Variants in VPS41 observed in about 807,000 individuals in gnomAD.
VPS41 encodes VPS41 subunit of HOPS complex.
A neutral mutation model predicts 130.9 loss-of-function variants in VPS41; 85 were observed. The observed-to-expected ratio is 0.65, with a 90% CI of 0.55 to 0.78. The LOEUF (loss-of-function observed/expected upper bound fraction) is 0.78, where lower values mean the gene tolerates loss of function less well. VPS41 is among the 30% of genes least tolerant of loss of function. The probability of loss-of-function intolerance (pLI) is 0.00; values close to 1 mark genes in which losing one functional copy is unlikely to be tolerated. For synonymous variants in VPS41, 335 were observed against 332.9 expected (o/e 1.01, Z -0.07); for missense variants, 874 against 1,018.7 (o/e 0.86, Z 1.93).
intron 4 of VPS41, among the ~76,000 whole-genome samples, chr7:38,843,796 T>A (rs1785665354): frequency 6.6e-6 from 1 of 152,136 alleles, no homozygotes. Flanking sequence ...AACTGCCTTA[T>A]CAGTAACAAT....
At chr7:38,844,216 C>A (rs556476710) in intron 4 of VPS41, among the ~76,000 whole-genome samples, 2 of 152,320 alleles carry the variant, frequency 1.3e-5, no homozygotes, top group South Asian at 2.1e-4. Context: ...CGATTCCTTC[C>A]CAGTGATTTC....
At chr7:38,786,031 T>C (rs945057157) in intron 10 of VPS41, among the ~76,000 whole-genome samples, 1 of 152,220 alleles carries the variant, frequency 6.6e-6, no homozygotes. Context: ...CTATCATCAC[T>C]GATATAGAAA....
intron 1 of VPS41, among the ~76,000 whole-genome samples, chr7:38,908,779 T>C (rs756665322): frequency 7.9e-5 from 12 of 152,234 alleles, no homozygotes; most frequent in Non-Finnish European, 1.8e-4. Flanking sequence ...CTTATTGTCC[T>C]ACTTCAAGTG....
intron 12 of VPS41, 59 bp from the exon 13 acceptor site, chr7:38,772,696 G>T (rs1383877233): frequency 4.2e-6 from 5 of 1,197,130 alleles, no homozygotes; most frequent in Non-Finnish European, 6.1e-6. Flanking sequence ...ACTTGGCAAT[G>T]GTTTCAGAGG....
intron 7 of VPS41, among the ~76,000 whole-genome samples, chr7:38,798,275 G>A (rs996009766): frequency 1.3e-5 from 2 of 152,046 alleles, no homozygotes; most frequent in East Asian, 1.9e-4. Context: ...CTAAAGACAG[G>A]CAGCTAAAAA....
At chr7:38,848,958 AT>A (rs1785788151) in intron 4 of VPS41, among the ~76,000 whole-genome samples, 1 of 152,084 alleles carries the variant, frequency 6.6e-6, no homozygotes, top group Non-Finnish European at 1.5e-5. Context: ...CAAGGGACTC[AT>A]TTTCGTGTAA....
At chr7:38,865,362 G>T (rs1046497050) in intron 3 of VPS41, among the ~76,000 whole-genome samples, 5 of 152,144 alleles carry the variant, frequency 3.3e-5, no homozygotes, top group Admixed American at 2.6e-4. Context: ...CAATGTTAAT[G>T]AAGTTTGACC....
rs1375381160 is a variant in VPS41 at position 38,772,533 on chromosome 7, T to C, written c.1117A>G (p.Lys373Glu). The stretch of plus-strand genomic sequence containing the variant: ...AAAATCAAGGGTACTTCATATTTCT[T>C]CTTTTCAAGGAGCCAGTCAATGTGA... ...DDHIDWLLEK[K>E]KYEEALMAAE... The change falls in exon 13 of 29, where the codon AAG (lysine) becomes GAG (glutamate). Residue 373 changes from lysine to glutamate, a missense_variant. Lys to Glu is a moderately conservative substitution (Grantham distance 56). Transcript: ENST00000310301. 3 of 1,610,710 alleles carry C rather than the reference T, an allele frequency of 1.9e-6. No homozygotes were observed. The South Asian group carries it at 3.3e-5, about 18-fold the overall frequency.
chr7:38,809,195 T>C (rs1401712844), intron 7 of VPS41, among the ~76,000 whole-genome samples: 5 of 151,758 alleles, frequency 3.3e-5, no homozygotes, highest in African/African-American at 9.7e-5. Context: ...CTTAAATATG[T>C]ATAATTTGGC....
In VPS41 at chr7:38,754,693, C is replaced by A. The variant is rs770966817; in HGVS notation, c.1788+9G>T. The A allele has an allele frequency of 6.2e-7, 1 of 1,612,538 alleles. No homozygotes were observed. The stretch of plus-strand genomic sequence containing the variant: ...CAAAAGGGCAAAAGGAGGAGACTGC[C>A]ATGCTCACCACATGCTGTAGCTCTG... On this transcript the variant is annotated intron_variant, in intron 21 of 28. Transcript: ENST00000310301.
rs1229238815 is a variant in VPS41 at position 38,909,146 on chromosome 7, C to G, written c.21+8G>C. On this transcript the variant is annotated splice_region_variant and intron_variant, in intron 1 of 28. Coordinates refer to ENST00000310301, the MANE Select transcript of VPS41 (RefSeq NM_014396.4). ...CCTGTGCCCTCAACTACCACCTGCACCCTTTACCTGCTCCTCTGCTTCCGC... is the reference window on the plus strand; with the variant it reads ...CCTGTGCCCTCAACTACCACCTGCAGCCTTTACCTGCTCCTCTGCTTCCGC... The G allele has an allele frequency of 3.1e-6, 5 of 1,614,192 alleles. No individual in the cohort carries two copies. Among genetic ancestry groups the G allele is most frequent in the Non-Finnish European group, 3.4e-6 (4 of 1,180,022 alleles).
intron 10 of VPS41, among the ~76,000 whole-genome samples, chr7:38,788,884 T>C (rs1784486034): frequency 6.6e-6 from 1 of 152,260 alleles, no homozygotes; most frequent in African/African-American, 2.4e-5. Context: ...GGGTAATGTA[T>C]GTCTTTCTAT....
chr7:38,900,355 T>C (rs1584454245), intron 1 of VPS41, among the ~76,000 whole-genome samples: 1 of 152,112 alleles, frequency 6.6e-6, no homozygotes, highest in South Asian at 2.1e-4. Context: ...AGCTAAATAA[T>C]GTGTACACGT....
chr7:38,835,719 T>C (rs1785476986), intron 4 of VPS41, among the ~76,000 whole-genome samples: 1 of 151,914 alleles, frequency 6.6e-6, no homozygotes, highest in African/African-American at 2.4e-5. Flanking sequence ...TTTACTGTTT[T>C]CTCTTTCATC....
At chr7:38,881,187 T>C (rs1786596534) in intron 2 of VPS41, among the ~76,000 whole-genome samples, 1 of 152,216 alleles carries the variant, frequency 6.6e-6, no homozygotes, top group Admixed American at 6.5e-5. Context: ...GTGTCAGTAG[T>C]GCTGCCCTCC....
chr7:38,888,707 A>C (rs1448453639), intron 2 of VPS41, among the ~76,000 whole-genome samples: 1 of 152,184 alleles, frequency 6.6e-6, no homozygotes, highest in Non-Finnish European at 1.5e-5. Context: ...CCCCACCCCA[A>C]ATCAACAGAA....
intron 23 of VPS41, among the ~76,000 whole-genome samples, chr7:38,744,165 C>A (rs1280217739): frequency 6.6e-6 from 1 of 152,150 alleles, no homozygotes; most frequent in African/African-American, 2.4e-5. Flanking sequence ...ATCAACCATG[C>A]CTTCTATTGG....
intron 7 of VPS41, among the ~76,000 whole-genome samples, chr7:38,804,430 G>A (rs1053293245): frequency 6.6e-6 from 1 of 152,124 alleles, no homozygotes; most frequent in Non-Finnish European, 1.5e-5. Context: ...GAGAACATGT[G>A]GTATTTGGTT....
intron 2 of VPS41, among the ~76,000 whole-genome samples, chr7:38,879,202 G>A (rs1247273253): frequency 1.3e-5 from 2 of 152,186 alleles, no homozygotes; most frequent in Non-Finnish European, 2.9e-5. Context: ...AGGGGCAACA[G>A]TAAGGATGAG....
Sources: allele counts gnomAD v4.1 joint callset (sites outside exome capture counted in the v4.1 genomes callset), GRCh38; gene constraint gnomAD v4.1.1; transcripts MANE v1.5; gene names NCBI Gene and HGNC (gene_info 2026-07-23, HGNC 2026-07-21).